The following KHSRP variants were observed in gnomAD, a reference collection of about 807,000 sequenced individuals.
KHSRP encodes the protein far upstream element-binding protein 2.
A neutral mutation model predicts 94.9 loss-of-function variants in KHSRP; 13 were observed. The observed-to-expected ratio is 0.14, with a 90% CI of 0.09 to 0.22. The LOEUF (loss-of-function observed/expected upper bound fraction) is 0.22. Ranked by LOEUF, KHSRP falls within the 10% of genes least tolerant of loss-of-function variation. The probability of loss-of-function intolerance (pLI) is 1.00; values close to 1 mark genes in which losing one functional copy is unlikely to be tolerated. For missense variants in KHSRP, 710 were observed against 1,010.0 expected, an observed-to-expected ratio of 0.70 and a Z score of 4.03; for synonymous variants, 495 against 401.4, an observed-to-expected ratio of 1.23 and a Z score of -2.79.
At position 6,418,414 on chromosome 19, in the gene KHSRP, A is replaced by AG; in HGVS notation, c.879+68dup. On this transcript the variant is annotated intron_variant, in intron 9 of 18. Transcript: ENST00000600480. The surrounding 1 kb of genome is among the most constrained non-coding windows in gnomAD (Gnocchi z 4.3). The stretch of plus-strand genomic sequence containing the variant: ...TCTCTCTGGCGGAATGCAGACCCCG[A>AG]GACCGCTGGCCCTGCCCACCTGCCC... 8.8e-7 allele frequency: 1 copy of AG among 1,138,554 alleles called. No homozygotes were observed. The highest frequency in any genetic ancestry group is 1.3e-6 in the Non-Finnish European group (1 of 761,874). The allele number at this position is 1,138,554 out of a possible 1,614,324, so 70.5% of individuals were successfully genotyped here. A position where few individuals can be genotyped will look rare whatever the true frequency, so the allele number is the denominator to read the frequency against.
chr19:6,418,901 G>A lies in KHSRP; in HGVS notation c.606-25C>T, dbSNP rs750973526. The A allele has an allele frequency of 4.3e-5, 66 of 1,525,066 alleles. No individual in the cohort carries two copies. The highest frequency in any genetic ancestry group is 5.4e-5 in the Non-Finnish European group (62 of 1,143,252). The allele number at this position is 1,525,066 out of a possible 1,614,324, so 94.5% of individuals were successfully genotyped here. A position where few individuals can be genotyped will look rare whatever the true frequency, so the allele number is the denominator to read the frequency against. ...CCTGGGAAGGGGAGGAGCGGGGGAT[G>A]AGCGGGTGCCACCGCTGGAGAAAGG... On this transcript the variant is annotated intron_variant, in intron 7 of 18. Transcript: ENST00000600480. This position sits in a 1 kb window ranked among gnomAD's most constrained non-coding sequence, Gnocchi z 4.3.
Position 6,418,343 on chromosome 19 carries a change from CA to C in KHSRP, c.879+139del. The C allele has an allele frequency of 1.4e-6, 1 of 698,478 alleles. No homozygotes were observed. Among genetic ancestry groups the C allele is most frequent in the Non-Finnish European group, 2.5e-6 (1 of 400,802 alleles). The allele number at this position is 698,478 out of a possible 1,614,324, so 43.3% of individuals were successfully genotyped here. A position where few individuals can be genotyped will look rare whatever the true frequency, so the allele number is the denominator to read the frequency against. ...GTCAGTTCAGGGCCATCCTACGAGC[CA>C]GCGCTCTTGCAAGCCTCTTGGTGTT... On this transcript the variant is annotated intron_variant, in intron 9 of 18. Transcript: ENST00000600480. The surrounding 1 kb of genome is among the most constrained non-coding windows in gnomAD (Gnocchi z 4.3).
Position 6,413,921 on chromosome 19 carries a change from A to G in KHSRP, c.*1103T>C, listed in dbSNP as rs1244719603. 1 of 573,918 alleles carries G rather than the reference A, an allele frequency of 1.7e-6. No individual in the cohort carries two copies. The highest frequency in any genetic ancestry group is 1.9e-5 in the African/African-American group (1 of 52,128). The allele number at this position is 573,918 out of a possible 1,614,324, so 35.6% of individuals were successfully genotyped here. ...AATTTTGAAAGAAAAAGCATGTGAG[A>G]CACAGAACAGGCGAGAGAGTGAGGG... On this transcript the variant is annotated 3_prime_UTR_variant, in exon 19 of 19. Coordinates refer to ENST00000600480, the MANE Select transcript of KHSRP (RefSeq NM_001366299.1).
Position 6,420,488 on chromosome 19 carries a change from C to G in KHSRP, c.426-17G>C. 2.5e-6 allele frequency: 4 copies of G among 1,613,388 alleles called. No homozygotes were observed. The highest frequency in any genetic ancestry group is 3.4e-6 in the Non-Finnish European group (4 of 1,179,406). Reference sequence around the variant, plus strand: ...ATTGAAGTCCTGTAAAGAGACACGCCAAAGGTCAGTCCTCAAGTGGGAAGG... The same window carrying G: ...ATTGAAGTCCTGTAAAGAGACACGCGAAAGGTCAGTCCTCAAGTGGGAAGG... On this transcript the variant is annotated splice_polypyrimidine_tract_variant and intron_variant, in intron 4 of 18. Transcript: ENST00000600480.
Position 6,416,732 on chromosome 19 carries a change from A to T in KHSRP, c.1327+6T>A. ...CAAGGGATAGGGTGCAGGGGGCCAC[A>T]CTCACCTCGGCCGATGACCAGCCCA... On this transcript the variant is annotated splice_donor_region_variant and intron_variant, in intron 13 of 18. Coordinates refer to ENST00000600480, the MANE Select transcript of KHSRP (RefSeq NM_001366299.1). 1.2e-6 allele frequency: 2 copies of T among 1,602,364 alleles called. No homozygotes were observed. The highest frequency in any genetic ancestry group is 1.1e-5 in the South Asian group (1 of 90,460).
At position 6,414,860 on chromosome 19, in the gene KHSRP, G is replaced by T; in HGVS notation, c.*164C>A. 7.7e-7 allele frequency: 1 copy of T among 1,297,264 alleles called. No individual in the cohort carries two copies. Among genetic ancestry groups the T allele is most frequent in the South Asian group, 2.1e-5 (1 of 47,096 alleles). 80.4% of individuals were successfully genotyped at this position (1,297,264 alleles called of 1,614,324 possible). A position where few individuals can be genotyped will look rare whatever the true frequency, so the allele number is the denominator to read the frequency against. ...GACTCCCCAGCAGTTCAGAAGTCCC[G>T]CCTGCGAGTCTCAGCGCTCCCCAGC... On this transcript the variant is annotated 3_prime_UTR_variant, in exon 19 of 19. Coordinates refer to ENST00000600480, the MANE Select transcript of KHSRP (RefSeq NM_001366299.1).
chr19:6,424,403 C>A (rs958839278), intron 1 of KHSRP, 50 bp downstream of exon 1: 2 of 960,016 alleles, frequency 2.1e-6, no homozygotes, highest in South Asian at 4.7e-5. Flanking sequence ...GCCCCCTCCC[C>A]CGCCTGCGCG....
intron 15 of KHSRP, among the ~76,000 whole-genome samples, 171 bp from the exon 16 acceptor site, chr19:6,416,067 G>A (rs975279304): frequency 4.0e-5 from 6 of 151,622 alleles, no homozygotes; most frequent in African/African-American, 1.4e-4. Context: ...GACGCGCAGC[G>A]TCAGCTTGAG....
At position 6,424,744 on chromosome 19, in the gene KHSRP, AGGCGGC is replaced by A. The variant is rs757588744; in HGVS notation, c.-49_-44del. On this transcript the variant is annotated 5_prime_UTR_variant, in exon 1 of 19. Transcript: ENST00000600480. ...CCTGGCGCGGAGGCTGAAGCTGAGG[AGGCGGC>A]GGCGGCGGCGGCGGCTCAACGCGGG... The A allele has an allele frequency of 1.8e-5, 17 of 922,772 alleles. No homozygotes were observed. The highest frequency in any genetic ancestry group is 4.8e-4 in the Middle Eastern group (1 of 2,078). 57.2% of individuals were successfully genotyped at this position (922,772 alleles called of 1,614,324 possible).
intron 2 of KHSRP, 76 bp from the exon 3 acceptor site, chr19:6,421,764 G>C: frequency 6.5e-7 from 1 of 1,547,604 alleles, no homozygotes; most frequent in Non-Finnish European, 8.9e-7. Flanking sequence ...GGTGCCACAT[G>C]TCCAAGGTAA....
At position 6,416,902 on chromosome 19, in the gene KHSRP, G is replaced by T; in HGVS notation, c.1183-20C>A. 6.2e-7 allele frequency: 1 copy of T among 1,612,598 alleles called. No individual in the cohort carries two copies. On this transcript the variant is annotated intron_variant, in intron 12 of 18. Coordinates refer to ENST00000600480, the MANE Select transcript of KHSRP (RefSeq NM_001366299.1). The stretch of plus-strand genomic sequence containing the variant: ...ACCACTCTGCAAGACAAGAGGAGGA[G>T]GAGGATGATGAACCCTGGAAGCCGG...
chr19:6,418,192 G>T lies in KHSRP; in HGVS notation c.880-113C>A. The T allele has an allele frequency of 1.2e-6, 1 of 858,988 alleles. No homozygotes were observed. Among genetic ancestry groups the T allele is most frequent in the Non-Finnish European group, 1.9e-6 (1 of 522,850 alleles). 53.2% of individuals were successfully genotyped at this position (858,988 alleles called of 1,614,324 possible). A position where few individuals can be genotyped will look rare whatever the true frequency, so the allele number is the denominator to read the frequency against. On this transcript the variant is annotated intron_variant, in intron 9 of 18. Coordinates refer to ENST00000600480, the MANE Select transcript of KHSRP (RefSeq NM_001366299.1). The surrounding 1 kb of genome is among the most constrained non-coding windows in gnomAD (Gnocchi z 4.3). The stretch of plus-strand genomic sequence containing the variant: ...GACCCACGAACCCTGGGTGAGCCCA[G>T]CACAGCACCCTACTGAGCTCTCTAC...
chr19:6,418,974 T>C lies in KHSRP; in HGVS notation c.606-98A>G, dbSNP rs949732507. On this transcript the variant is annotated intron_variant, in intron 7 of 18. Coordinates refer to ENST00000600480, the MANE Select transcript of KHSRP (RefSeq NM_001366299.1). The surrounding 1 kb of genome is among the most constrained non-coding windows in gnomAD (Gnocchi z 4.3). The stretch of plus-strand genomic sequence containing the variant: ...GCTCAAAGGGAAGGCGACCCCAGAG[T>C]GTGCAAGGATGACAGGGAAGAGGGG... 3.8e-6 allele frequency: 5 copies of C among 1,299,538 alleles called. No individual in the cohort carries two copies. In the African/African-American group the frequency reaches 4.5e-5, roughly 12 times the overall value. 80.5% of individuals were successfully genotyped at this position (1,299,538 alleles called of 1,614,324 possible). A position where few individuals can be genotyped will look rare whatever the true frequency, so the allele number is the denominator to read the frequency against.
Position 6,421,701 on chromosome 19 carries a change from G to A in KHSRP, c.347-13C>T. 1 of 1,613,804 alleles carries A rather than the reference G, an allele frequency of 6.2e-7. No individual in the cohort carries two copies. Among genetic ancestry groups the A allele is most frequent in the Non-Finnish European group, 8.5e-7 (1 of 1,179,844 alleles). ...CTCTCCGGTTGATCTGGGAAAGAGA[G>A]AGGATGGCAGATGCAGCACCCACCC... On this transcript the variant is annotated splice_polypyrimidine_tract_variant and intron_variant, in intron 2 of 18. Transcript: ENST00000600480.
In KHSRP at chr19:6,416,587, A is replaced by G; in HGVS notation, c.1391T>C (p.Leu464Pro). Reference sequence around the variant, plus strand: ...GAAGTTGGGGTCCCCGTTGGGTGGCAGCTGCCGGGAGATCTCTACGAAGGC... The same window carrying G: ...GAAGTTGGGGTCCCCGTTGGGTGGCGGCTGCCGGGAGATCTCTACGAAGGC... ...TGAFVEISRQ[L>P]PPNGDPNFKL... Residue 464 changes from leucine to proline, a missense_variant, in exon 14 of 19, where the codon CTG becomes CCG. Coordinates refer to ENST00000600480, the MANE Select transcript of KHSRP (RefSeq NM_001366299.1). The G allele has an allele frequency of 1.2e-6, 2 of 1,613,878 alleles. No individual in the cohort carries two copies. The highest frequency in any genetic ancestry group is 1.7e-6 in the Non-Finnish European group (2 of 1,179,764).
intron 6 of KHSRP, among the ~76,000 whole-genome samples, chr19:6,419,622 T>C (rs1039533067): frequency 2.6e-5 from 4 of 152,204 alleles, no homozygotes; most frequent in Non-Finnish European, 5.9e-5. Context: ...AGGCTTTCTG[T>C]AGCTCAGGAC....
chr19:6,423,472 C>T (rs1026411208), intron 1 of KHSRP, among the ~76,000 whole-genome samples: 1 of 152,238 alleles, frequency 6.6e-6, no homozygotes, highest in Admixed American at 6.5e-5. Flanking sequence ...AGCCAAAACT[C>T]ATGGGATGCC....
chr19:6,414,221 C>A lies in KHSRP; in HGVS notation c.*803G>T. 6.6e-7 allele frequency: 1 copy of A among 1,521,844 alleles called. No individual in the cohort carries two copies. Among genetic ancestry groups the A allele is most frequent in the South Asian group, 1.3e-5 (1 of 79,946 alleles). 94.3% of individuals were successfully genotyped at this position (1,521,844 alleles called of 1,614,324 possible). ...GGGGCTGGAACACCGTGGGGGGGGC[C>A]AGGAAGCCCCCTCCCAAACCTGCGC... On this transcript the variant is annotated 3_prime_UTR_variant, in exon 19 of 19. Transcript: ENST00000600480.
At chr19:6,417,116 AC>A in intron 11 of KHSRP, 29 bp from the exon 12 acceptor site, 1 of 1,565,448 alleles carries the variant, frequency 6.4e-7, no homozygotes, top group Non-Finnish European at 8.6e-7. Context: ...GAGCAGAGAC[AC>A]AAGTTTAAAA....
Sources: gnomAD v4.1 joint callset for allele counts (sites outside exome capture counted in the v4.1 genomes callset) on GRCh38, gnomAD v4.1.1 for gene constraint, Gnocchi (gnomAD v3.1) non-coding constraint, MANE v1.5 for transcripts, NCBI Gene and HGNC (gene_info 2026-07-23, HGNC 2026-07-21) for gene names.